Variants in TMEM135 observed in about 807,000 individuals in gnomAD.
TMEM135 encodes peroxisomal membrane protein 52.
In TMEM135, 30 loss-of-function variants were observed where a neutral mutation model predicts 60.3. The ratio of observed to expected loss-of-function variants is 0.50; its 90% CI spans 0.37 to 0.68. TMEM135 has a LOEUF of 0.68. Among genes scored for constraint, TMEM135 ranks in the 30% least tolerant of loss-of-function variants. The pLI, the probability that TMEM135 is intolerant of heterozygous loss-of-function variation, is 0.00. For missense variants in TMEM135, 468 were observed against 548.8 expected (o/e 0.85, Z 1.47); for synonymous variants, 190 against 186.7 (o/e 1.02, Z -0.14).
chr11:87,252,502 G>A (rs1360932865), intron 6 of TMEM135, among the ~76,000 whole-genome samples: 1 of 152,294 alleles, frequency 6.6e-6, no homozygotes, highest in African/African-American at 2.4e-5. Context: ...GCCGGGCACA[G>A]TGGCTCATGC....
At chr11:87,102,050 C>T (rs1857470266) in intron 4 of TMEM135, among the ~76,000 whole-genome samples, 1 of 152,194 alleles carries the variant, frequency 6.6e-6, no homozygotes, top group Non-Finnish European at 1.5e-5. Flanking sequence ...TCCCCACAGA[C>T]CAAGCAGTTC....
chr11:87,074,225 C>A (rs1030426070), intron 3 of TMEM135, among the ~76,000 whole-genome samples: 1 of 152,176 alleles, frequency 6.6e-6, no homozygotes, highest in Non-Finnish European at 1.5e-5. Context: ...CTCAGCCCCC[C>A]AAAGTTTTGG....
chr11:87,322,629 G>A lies in TMEM135; in HGVS notation c.*1296G>A, dbSNP rs995056187. ...ACATTTTGTTGCTAAAAAGTTTTTA[G>A]GCCAGTGCAAATTATGCAGTAGAAC... On this transcript the variant is annotated 3_prime_UTR_variant, in exon 15 of 15. Coordinates refer to ENST00000305494, the MANE Select transcript of TMEM135 (RefSeq NM_022918.4). The A allele has an allele frequency of 6.6e-6, 3 of 453,060 alleles. No homozygotes were observed. The highest frequency in any genetic ancestry group is 6.0e-5 in the African/African-American group (3 of 49,960). 28.1% of individuals were successfully genotyped at this position (453,060 alleles called of 1,614,324 possible). A position where few individuals can be genotyped will look rare whatever the true frequency, so the allele number is the denominator to read the frequency against.
intron 1 of TMEM135, among the ~76,000 whole-genome samples, chr11:87,043,666 T>C (rs1169305946): frequency 6.6e-6 from 1 of 152,018 alleles, no homozygotes; most frequent in Admixed American, 6.5e-5. Flanking sequence ...GAGGTTGTAC[T>C]GAGCAGAGAT....
Position 87,053,906 on chromosome 11 carries a change from G to T in TMEM135, c.142-13788G>T, listed in dbSNP as rs376040101. Among the ~76,000 whole-genome samples the T allele has an allele frequency of 5.1e-4, 78 of 152,214 alleles. No individual in the cohort carries two copies. In the Middle Eastern group the frequency reaches 0.014, roughly 27 times the overall value. On this transcript the variant is annotated intron_variant, in intron 1 of 14. Transcript: ENST00000305494. ...TCTTAATGTTGTGATTGAGATTTGTGTATTTTTTCCTTCAGGTAATAGGAT... is the reference window on the plus strand; with the variant it reads ...TCTTAATGTTGTGATTGAGATTTGTTTATTTTTTCCTTCAGGTAATAGGAT...
chr11:87,256,055 A>AT (rs1429164772), intron 6 of TMEM135, among the ~76,000 whole-genome samples: 4 of 152,176 alleles, frequency 2.6e-5, no homozygotes, highest in Non-Finnish European at 5.9e-5. Context: ...AGACCTGCCT[A>AT]TTACCCTAAG....
intron 1 of TMEM135, among the ~76,000 whole-genome samples, chr11:87,055,273 TAAG>T (rs1362055860): frequency 6.6e-6 from 1 of 152,140 alleles, no homozygotes; most frequent in Non-Finnish European, 1.5e-5. Context: ...TCAAGAGAAA[TAAG>T]AAGCAATTAC....
chr11:87,248,089 C>T (rs1941330526), intron 6 of TMEM135, among the ~76,000 whole-genome samples: 1 of 151,432 alleles, frequency 6.6e-6, no homozygotes, highest in African/African-American at 2.4e-5. Flanking sequence ...TTTTGTTTAT[C>T]CATTCATGTG....
Position 87,321,313 on chromosome 11 carries a change from T to A in TMEM135, c.1357T>A (p.Leu453Met), listed in dbSNP as rs1467231012. The change falls in exon 15 of 15, where the codon TTG becomes ATG. Residue 453 changes from leucine to methionine, a missense_variant. Coordinates refer to ENST00000305494, the MANE Select transcript of TMEM135 (RefSeq NM_022918.4). ...AAGATACACAACTGTAACACCAGAG[T>A]TGCCCACAGAGTTTTCCTGAAGATG... ...DPRYTTVTPE[L>M]PTEFS 2 of 1,613,656 alleles carry A rather than the reference T, an allele frequency of 1.2e-6. No individual in the cohort carries two copies. The highest frequency in any genetic ancestry group is 4.5e-5 in the East Asian group (2 of 44,850).
chr11:87,313,590 T>C, intron 11 of TMEM135, 102 bp downstream of exon 11: 1 of 1,037,470 alleles, frequency 9.6e-7, no homozygotes, highest in South Asian at 1.3e-5. Flanking sequence ...AATCTTCCTT[T>C]CTCTATCGTA....
intron 4 of TMEM135, among the ~76,000 whole-genome samples, chr11:87,138,801 C>T (rs1938184802): frequency 1.3e-5 from 2 of 152,152 alleles, no homozygotes; most frequent in Admixed American, 6.5e-5. Flanking sequence ...GTGAGATTGG[C>T]AATGCTTGTT....
intron 5 of TMEM135, among the ~76,000 whole-genome samples, chr11:87,224,776 T>C (rs1289040654): frequency 1.8e-5 from 2 of 114,226 alleles, no homozygotes; most frequent in African/African-American, 3.2e-5. Flanking sequence ...TTTTTTTTTT[T>C]CTGAATTTGA....
Position 87,093,816 on chromosome 11 carries a change from G to A in TMEM135, c.396+2421G>A, listed in dbSNP as rs190733440. ...CAAAGTGCTGTTATTACAGGCATTA[G>A]CCACCACACCCGGCCAATTTACTTG... On this transcript the variant is annotated intron_variant, in intron 4 of 14. Coordinates refer to ENST00000305494, the MANE Select transcript of TMEM135 (RefSeq NM_022918.4). Among the ~76,000 whole-genome samples the A allele has an allele frequency of 1.2e-4, 19 of 152,200 alleles. No homozygotes were observed. In the East Asian group the frequency reaches 3.1e-3, roughly 25 times the overall value.
At chr11:87,186,930 A>T (rs1303783789) in intron 5 of TMEM135, among the ~76,000 whole-genome samples, 1 of 152,206 alleles carries the variant, frequency 6.6e-6, no homozygotes, top group Admixed American at 6.5e-5. Flanking sequence ...AACAATGTTT[A>T]TAGGGGATAC....
chr11:87,223,777 G>C (rs1482116539), intron 5 of TMEM135, among the ~76,000 whole-genome samples: 4 of 150,862 alleles, frequency 2.7e-5, no homozygotes, highest in Non-Finnish European at 5.9e-5. Context: ...TTGAACTTGG[G>C]AGGCAGAGGT....
chr11:87,178,514 C>T (rs922600211), intron 5 of TMEM135: 6 of 456,056 alleles, frequency 1.3e-5, no homozygotes, highest in Non-Finnish European at 2.6e-5. Flanking sequence ...CAGCCTCTGC[C>T]TCCCAGGTTC....
chr11:87,091,097 G>A (rs931627239), intron 3 of TMEM135, among the ~76,000 whole-genome samples: 2 of 151,952 alleles, frequency 1.3e-5, no homozygotes, highest in Non-Finnish European at 1.5e-5. Context: ...ATAACAATGG[G>A]GAAATAGTAA....
intron 4 of TMEM135, among the ~76,000 whole-genome samples, chr11:87,154,529 G>A (rs557880572): frequency 1.3e-5 from 2 of 152,290 alleles, no homozygotes; most frequent in South Asian, 4.1e-4. Context: ...AATTCGATGT[G>A]TAAATTTTAA....
intron 10 of TMEM135, among the ~76,000 whole-genome samples, chr11:87,310,267 A>G (rs1286701380): frequency 6.6e-6 from 1 of 152,156 alleles, no homozygotes; most frequent in Admixed American, 6.6e-5. Context: ...ACGCCTAAAC[A>G]TATATGTAGA....
Sources: gnomAD v4.1 joint callset for allele counts (sites outside exome capture counted in the v4.1 genomes callset) on GRCh38, gnomAD v4.1.1 for gene constraint, MANE v1.5 for transcripts, NCBI Gene and HGNC (gene_info 2026-07-23, HGNC 2026-07-21) for gene names.